Variants in CCNT1 observed in about 807,000 individuals in gnomAD.
CCNT1 encodes the protein cyclin-T1.
A neutral mutation model predicts 67.3 loss-of-function variants in CCNT1; 18 were observed. The ratio of observed to expected loss-of-function variants is 0.27; its 90% CI spans 0.18 to 0.40. The LOEUF (loss-of-function observed/expected upper bound fraction) is 0.40. Among genes scored for constraint, CCNT1 ranks in the 10% least tolerant of loss-of-function variants. The pLI is 1.00. For missense variants in CCNT1, 744 were observed against 884.9 expected, an observed-to-expected ratio of 0.84 and a Z score of 2.02; for synonymous variants, 333 against 310.3, an observed-to-expected ratio of 1.07 and a Z score of -0.77.
chr12:48,703,877 G>C (rs1215904763), intron 3 of CCNT1, among the ~76,000 whole-genome samples: 1 of 149,986 alleles, frequency 6.7e-6, no homozygotes, highest in Non-Finnish European at 1.5e-5. Flanking sequence ...GGTGAGCCAT[G>C]ATCACACTAC....
Position 48,689,275 on chromosome 12 carries a change from G to C in CCNT1, c.*3758C>G, listed in dbSNP as rs1464642681. ...GAAAAACTTTAGAAACATTAAAATG[G>C]AGAACTCTCTCACCCAAAAAGTAAT... On this transcript the variant is annotated 3_prime_UTR_variant, in exon 9 of 9. Transcript: ENST00000261900. 6.6e-6 allele frequency: 1 copy of C among 152,122 alleles called. No homozygotes were observed. The highest frequency in any genetic ancestry group is 1.5e-5 in the Non-Finnish European group (1 of 68,038). The allele number at this position is 152,122 out of a possible 1,614,324, so 9.4% of individuals were successfully genotyped here.
intron 4 of CCNT1, 92 bp downstream of exon 4, chr12:48,700,921 C>T: frequency 1.4e-6 from 1 of 737,876 alleles, no homozygotes. Flanking sequence ...AAAAACTTTC[C>T]CAAGAAATAT....
intron 3 of CCNT1, among the ~76,000 whole-genome samples, chr12:48,704,426 C>A (rs1482792413): frequency 1.3e-5 from 2 of 152,152 alleles, no homozygotes; most frequent in Non-Finnish European, 2.9e-5. Context: ...TGCAAGGGAT[C>A]TAATTTGCTG....
chr12:48,706,732 A>G (rs1047437587), intron 2 of CCNT1, among the ~76,000 whole-genome samples: 3 of 152,200 alleles, frequency 2.0e-5, no homozygotes, highest in African/African-American at 7.2e-5. Context: ...AAATACATAA[A>G]TAATTTTACA....
Position 48,694,032 on chromosome 12 carries a change from C to T in CCNT1, c.1182G>A (p.Ala394=), listed in dbSNP as rs200301552. The part of the protein sequence containing the change: ...SAKVSLKEYR[A]KHAEELAAQK... ...GGGCAGCCAATTCTTCTGCATGCTT[C>T]GCGCGGTATTCTTTCAGTGACACTT... Residue 394 remains alanine, a synonymous_variant, in exon 9 of 9, where the codon GCG becomes GCA. Coordinates refer to ENST00000261900, the MANE Select transcript of CCNT1 (RefSeq NM_001240.4). 2.4e-5 allele frequency: 38 copies of T among 1,614,188 alleles called. No individual in the cohort carries two copies. The highest frequency in any genetic ancestry group is 9.3e-5 in the African/African-American group (7 of 75,044).
rs1433743728 is a variant in CCNT1, at chr12:48,693,199, C to G, written c.2015G>C (p.Gly672Ala). 6.2e-7 allele frequency: 1 copy of G among 1,614,138 alleles called. No homozygotes were observed. The highest frequency in any genetic ancestry group is 8.5e-7 in the Non-Finnish European group (1 of 1,180,022). Residue 672 changes from glycine (G) to alanine (A), a missense_variant, in exon 9 of 9, where the codon GGT (glycine) becomes GCT (alanine). Physicochemically the swap from Gly to Ala is moderately conservative, Grantham distance 60. Transcript: ENST00000261900. The part of the protein sequence containing the change: ...NMLHSLLSAQ[G>A]VQPTQPTAFE... ...TGCAGTGGGCTGAGTGGGCTGAACA[C>G]CCTGGGCACTGAGCAGGGAGTGAAG...
chr12:48,696,098 G>T lies in CCNT1; in HGVS notation c.607C>A (p.Leu203Met), dbSNP rs991474879. The T allele has an allele frequency of 6.2e-7, 1 of 1,613,794 alleles. No homozygotes were observed. Among genetic ancestry groups the T allele is most frequent in the Non-Finnish European group, 8.5e-7 (1 of 1,179,852 alleles). Residue 203 changes from leucine (L) to methionine (M), a missense_variant, in exon 7 of 9, where the codon CTG (leucine) becomes ATG (methionine). This residue lies in a region of CCNT1 where 142 missense variants were observed against 277.0 expected (regional missense o/e 0.51). Coordinates refer to ENST00000261900, the MANE Select transcript of CCNT1 (RefSeq NM_001240.4). Reference sequence around the variant, plus strand: ...TCCCAATTGGACCACTTGCAAGCCAGGTGAATGCAGACACAGGCCACCACA... The same window carrying T: ...TCCCAATTGGACCACTTGCAAGCCATGTGAATGCAGACACAGGCCACCACA... ...PPVVACVCIH[L>M]ACKWSNWEIP... is the part of the protein sequence containing the mutation.
At chr12:48,713,200 CTTT>C (rs11320347) in intron 2 of CCNT1, among the ~76,000 whole-genome samples, 11 of 134,784 alleles carry the variant, frequency 8.2e-5, no homozygotes, top group Admixed American at 2.3e-4. Context: ...TTTTTTTTAC[CTTT>C]TTTTTTTTTT....
At chr12:48,699,145 T>A (rs1028621137) in intron 5 of CCNT1, among the ~76,000 whole-genome samples, 2 of 152,084 alleles carry the variant, frequency 1.3e-5, no homozygotes, top group African/African-American at 4.8e-5. Flanking sequence ...CATACACCCA[T>A]CTCTAGTCTT....
At chr12:48,715,452 C>T (rs1316027354) in intron 1 of CCNT1, among the ~76,000 whole-genome samples, 1 of 151,756 alleles carries the variant, frequency 6.6e-6, no homozygotes, top group Non-Finnish European at 1.5e-5. Flanking sequence ...GAGGTTACCT[C>T]ATTTTTTTTT....
chr12:48,707,578 C>A (rs753601946), intron 2 of CCNT1, among the ~76,000 whole-genome samples: 3 of 149,666 alleles, frequency 2.0e-5, no homozygotes, highest in Admixed American at 1.3e-4. Context: ...CCTCACCCAG[C>A]CAAGATTCTT....
At position 48,691,479 on chromosome 12, in the gene CCNT1, C is replaced by G. The variant is rs1230024118; in HGVS notation, c.*1554G>C. 6.6e-6 allele frequency: 1 copy of G among 152,180 alleles called. No homozygotes were observed. Among genetic ancestry groups the G allele is most frequent in the Non-Finnish European group, 1.5e-5 (1 of 68,038 alleles). 9.4% of individuals were successfully genotyped at this position (152,180 alleles called of 1,614,324 possible). On this transcript the variant is annotated 3_prime_UTR_variant, in exon 9 of 9. Coordinates refer to ENST00000261900, the MANE Select transcript of CCNT1 (RefSeq NM_001240.4). ...ATCAAAGAATATCTCATTAAATGAT[C>G]TCTGGCTAGGTAGTTTTCAGTGGTT...
At chr12:48,713,515 G>T (rs11168698) in intron 2 of CCNT1, among the ~76,000 whole-genome samples, 1 of 152,010 alleles carries the variant, frequency 6.6e-6, no homozygotes, top group African/African-American at 2.4e-5. Flanking sequence ...CAGGAATGGC[G>T]GCTCATGACT....
At chr12:48,702,430 A>G (rs1205316237) in intron 3 of CCNT1, among the ~76,000 whole-genome samples, 1 of 152,150 alleles carries the variant, frequency 6.6e-6, no homozygotes, top group African/African-American at 2.4e-5. Context: ...ATCACTTGAA[A>G]TGTAGCTAAA....
rs770972200 is a variant in CCNT1, at chr12:48,694,454, G to A, written c.778-18C>T. ...TCGCATGCCTGCAATGAAGCAAATA[G>A]CATCTCTTTACTTAGGTAATTTACT... On this transcript the variant is annotated intron_variant, in intron 8 of 8. Coordinates refer to ENST00000261900, the MANE Select transcript of CCNT1 (RefSeq NM_001240.4). The A allele has an allele frequency of 6.3e-7, 1 of 1,599,404 alleles. No homozygotes were observed. Among genetic ancestry groups the A allele is most frequent in the Non-Finnish European group, 8.5e-7 (1 of 1,170,544 alleles).
At chr12:48,700,981 T>A in intron 4 of CCNT1, 32 bp downstream of exon 4, 7 of 1,304,948 alleles carry the variant, frequency 5.4e-6, no homozygotes, top group Non-Finnish European at 7.6e-6. Context: ...TTGCATAATT[T>A]AAAAAAATGT....
At chr12:48,708,490 T>C (rs1421649112) in intron 2 of CCNT1, among the ~76,000 whole-genome samples, 2 of 151,034 alleles carry the variant, frequency 1.3e-5, no homozygotes, top group Non-Finnish European at 2.9e-5. Context: ...GGGGTTGCAG[T>C]GAGCCAAGAT....
rs1012631328 is a variant in CCNT1 at position 48,689,085 on chromosome 12, G to A, written c.*3948C>T. ...TACTTGCTCTGGCTTCAATTAGCAT[G>A]CTGTCAAGCATCCCTCTCCATGCTT... On this transcript the variant is annotated 3_prime_UTR_variant, in exon 9 of 9. Coordinates refer to ENST00000261900, the MANE Select transcript of CCNT1 (RefSeq NM_001240.4). 1 of 152,186 alleles carries A rather than the reference G, an allele frequency of 6.6e-6. No individual in the cohort carries two copies. The highest frequency in any genetic ancestry group is 1.5e-5 in the Non-Finnish European group (1 of 68,044). The allele number at this position is 152,186 out of a possible 1,614,324, so 9.4% of individuals were successfully genotyped here.
At chr12:48,712,593 A>AAAC (rs1940470491) in intron 2 of CCNT1, among the ~76,000 whole-genome samples, 1 of 42,114 alleles carries the variant, frequency 2.4e-5, no homozygotes, top group African/African-American at 1.3e-4. Context: ...AAAAAAAAAA[A>AAAC]ATAAAAAAAA....
Sources: gnomAD v4.1 joint callset for allele counts (sites outside exome capture counted in the v4.1 genomes callset) on GRCh38, gnomAD v4.1.1 for gene constraint, gnomAD v4.1.1 regional missense constraint, MANE v1.5 for transcripts, NCBI Gene and HGNC (gene_info 2026-07-23, HGNC 2026-07-21) for gene names.